QSER1: variants seen among roughly 807,000 people sequenced by gnomAD.
QSER1 encodes glutamine and serine rich 1, also known as glutamine and serine-rich protein 1.
A neutral mutation model predicts 158.5 loss-of-function variants in QSER1; 49 were observed. That is an observed-to-expected ratio of 0.31 (90% CI 0.25 to 0.39). QSER1 has a LOEUF of 0.39. QSER1 is among the 10% of genes least tolerant of loss of function. The probability of loss-of-function intolerance (pLI) is 1.00; values close to 1 mark genes in which losing one functional copy is unlikely to be tolerated. For synonymous variants in QSER1, 650 were observed against 715.5 expected (o/e 0.91, Z 1.46); for missense variants, 1,754 against 2,010.3 (o/e 0.87, Z 2.44).
chr11:32,909,051 T>C (rs1851730837), intron 1 of QSER1, among the ~76,000 whole-genome samples: 1 of 152,080 alleles, frequency 6.6e-6, no homozygotes, highest in East Asian at 1.9e-4. Context: ...TCCCAACTAC[T>C]TGGGAAGCTG....
At chr11:32,928,389 A>G (rs926934783) in intron 3 of QSER1, among the ~76,000 whole-genome samples, 1 of 152,208 alleles carries the variant, frequency 6.6e-6, no homozygotes, top group African/African-American at 2.4e-5. Flanking sequence ...TATAAGGTTT[A>G]TATCTAGCAA....
At chr11:32,955,454 G>T in intron 6 of QSER1, 42 bp downstream of exon 6, 2 of 919,710 alleles carry the variant, frequency 2.2e-6, no homozygotes, top group Non-Finnish European at 3.4e-6. Context: ...TTTTGACAGT[G>T]GTCCTGAGAA....
intron 8 of QSER1, among the ~76,000 whole-genome samples, chr11:32,964,832 A>G (rs1009915624): frequency 8.6e-5 from 13 of 151,290 alleles, no homozygotes; most frequent in South Asian, 2.1e-4. Context: ...AAAATATTTT[A>G]AAAACTGCTA....
In QSER1 at chr11:32,976,475, C is replaced by G; in HGVS notation, c.*1C>G. 1 of 1,609,084 alleles carries G rather than the reference C, an allele frequency of 6.2e-7. No individual in the cohort carries two copies. The highest frequency in any genetic ancestry group is 1.1e-5 in the South Asian group (1 of 89,864). On this transcript the variant is annotated 3_prime_UTR_variant, in exon 13 of 13. Transcript: ENST00000650167. Reference sequence around the variant, plus strand: ...TCATGTACAGCAGAAATGTTCCTGACTTTTCCACAAAAATCCCATCTTTTT... The same window carrying G: ...TCATGTACAGCAGAAATGTTCCTGAGTTTTCCACAAAAATCCCATCTTTTT...
chr11:32,974,525 A>G (rs1447374090), intron 11 of QSER1, among the ~76,000 whole-genome samples: 1 of 152,214 alleles, frequency 6.6e-6, no homozygotes, highest in African/African-American at 2.4e-5. Flanking sequence ...CAATCCAATT[A>G]TGTACCACCA....
chr11:32,972,407 TTATTTA>T (rs1852880781), intron 10 of QSER1, among the ~76,000 whole-genome samples: 8 of 27,058 alleles, frequency 3.0e-4, no homozygotes, highest in Admixed American at 1.3e-3. Context: ...GGCCAGTGGC[TTATTTA>T]TTTATTTATT....
At chr11:32,954,294 T>C (rs1347197916) in intron 5 of QSER1, 115 bp downstream of exon 5, 1 of 1,179,012 alleles carries the variant, frequency 8.5e-7, no homozygotes, top group African/African-American at 1.5e-5. Flanking sequence ...GTTTTATGCA[T>C]TATAAGTGTT....
chr11:32,952,335 A>G (rs1396958984), intron 4 of QSER1, among the ~76,000 whole-genome samples: 1 of 152,176 alleles, frequency 6.6e-6, no homozygotes, highest in Non-Finnish European at 1.5e-5. Context: ...AGGGCATTAC[A>G]TTTTGTCAGA....
intron 1 of QSER1, among the ~76,000 whole-genome samples, chr11:32,926,441 A>G (rs1207138452): frequency 6.6e-6 from 1 of 152,188 alleles, no homozygotes; most frequent in Non-Finnish European, 1.5e-5. Flanking sequence ...TTTAGCAAAA[A>G]AAAGAAAAGT....
At chr11:32,919,408 TG>T (rs1162087411) in intron 1 of QSER1, among the ~76,000 whole-genome samples, 3 of 152,360 alleles carry the variant, frequency 2.0e-5, no homozygotes, top group East Asian at 1.9e-4. Context: ...TCAGAAGTAC[TG>T]GGCAAGTATT....
chr11:32,939,728 TG>T (rs1306086331), intron 4 of QSER1, among the ~76,000 whole-genome samples: 5 of 152,106 alleles, frequency 3.3e-5, no homozygotes, highest in African/African-American at 1.2e-4. Context: ...AGAACTTGGG[TG>T]GGTTGTAGAC....
chr11:32,952,485 TTTTG>T (rs1852439053), intron 4 of QSER1, among the ~76,000 whole-genome samples: 1 of 152,170 alleles, frequency 6.6e-6, no homozygotes, highest in Non-Finnish European at 1.5e-5. Flanking sequence ...GTATGATTCT[TTTTG>T]TATGTTGGTG....
At chr11:32,904,729 C>CA (rs1305679915) in intron 1 of QSER1, among the ~76,000 whole-genome samples, 1 of 151,574 alleles carries the variant, frequency 6.6e-6, no homozygotes, top group African/African-American at 2.4e-5. Flanking sequence ...TTTCCTGTGC[C>CA]AGGACCACTT....
intron 1 of QSER1, among the ~76,000 whole-genome samples, chr11:32,904,315 C>T (rs1184610997): frequency 1.3e-5 from 2 of 151,948 alleles, no homozygotes; most frequent in South Asian, 2.1e-4. Context: ...GCCTTGGCCT[C>T]CTGAGTAGCT....
intron 3 of QSER1, among the ~76,000 whole-genome samples, chr11:32,930,250 C>T (rs1213352629): frequency 1.3e-5 from 2 of 152,186 alleles, no homozygotes; most frequent in African/African-American, 2.4e-5. Flanking sequence ...CAGCAAGTCA[C>T]ATCACCTGTC....
intron 1 of QSER1, among the ~76,000 whole-genome samples, chr11:32,915,039 C>T (rs944356303): frequency 6.6e-6 from 1 of 152,042 alleles, no homozygotes; most frequent in Non-Finnish European, 1.5e-5. Flanking sequence ...CCCACCTTAG[C>T]CCCCCTGAGT....
chr11:32,904,996 C>G (rs1031967100), intron 1 of QSER1, among the ~76,000 whole-genome samples: 4 of 152,164 alleles, frequency 2.6e-5, no homozygotes, highest in Non-Finnish European at 4.4e-5. Flanking sequence ...TCAATGAATA[C>G]TGATTTAATA....
intron 4 of QSER1, among the ~76,000 whole-genome samples, chr11:32,951,838 AT>A (rs34354021): frequency 0.024 from 3,311 of 135,946 alleles, 47 homozygotes; most frequent in South Asian, 0.038. Flanking sequence ...ATTCCTTGGG[AT>A]TTTTTTTTTT....
intron 8 of QSER1, among the ~76,000 whole-genome samples, chr11:32,965,657 C>G (rs1018876292): frequency 6.6e-6 from 1 of 151,984 alleles, no homozygotes; most frequent in Non-Finnish European, 1.5e-5. Context: ...TCAGAATCAC[C>G]TAGGAAGGGC....
Sources: allele counts gnomAD v4.1 joint callset (sites outside exome capture counted in the v4.1 genomes callset), GRCh38; gene constraint gnomAD v4.1.1; transcripts MANE v1.5; gene names NCBI Gene and HGNC (gene_info 2026-07-23, HGNC 2026-07-21).